Variants in AMOTL1 observed in about 807,000 individuals in gnomAD.
AMOTL1 encodes the protein angiomotin-like protein 1.
Under a neutral mutation model 102.9 loss-of-function variants are expected in AMOTL1, and 45 were observed. That is an observed-to-expected ratio of 0.44 (90% CI 0.34 to 0.56). The LOEUF (loss-of-function observed/expected upper bound fraction) is 0.56. Among genes scored for constraint, AMOTL1 ranks in the 20% least tolerant of loss-of-function variants. The pLI, the probability that AMOTL1 is intolerant of heterozygous loss-of-function variation, is 0.01. For synonymous variants in AMOTL1, 481 were observed against 484.7 expected, an observed-to-expected ratio of 0.99 and a Z score of 0.10; for missense variants, 1,114 against 1,225.6, an observed-to-expected ratio of 0.91 and a Z score of 1.36.
At chr11:94,797,742 T>C (rs1951394782) in intron 2 of AMOTL1, among the ~76,000 whole-genome samples, 1 of 152,226 alleles carries the variant, frequency 6.6e-6, no homozygotes, top group African/African-American at 2.4e-5. Flanking sequence ...TGGAGAGAGC[T>C]AGCATGTCTT....
intron 12 of AMOTL1, among the ~76,000 whole-genome samples, chr11:94,870,247 C>T (rs1056985351): frequency 1.3e-5 from 2 of 152,194 alleles, no homozygotes; most frequent in African/African-American, 4.8e-5. Flanking sequence ...TGAGGAGGTG[C>T]AGGCTCTGTG....
chr11:94,831,827 G>A (rs774653773), intron 6 of AMOTL1, among the ~76,000 whole-genome samples: 11 of 152,060 alleles, frequency 7.2e-5, no homozygotes, highest in Non-Finnish European at 1.6e-4. Context: ...GCATGTCCTG[G>A]CACTCACTAC....
chr11:94,737,257 C>G (rs1950451006), intron 2 of AMOTL1, among the ~76,000 whole-genome samples: 1 of 152,194 alleles, frequency 6.6e-6, no homozygotes, highest in African/African-American at 2.4e-5. Flanking sequence ...TCCAAGTAAC[C>G]AGCCTTCAAG....
At chr11:94,751,449 C>A (rs957503677) in intron 3 of AMOTL1, among the ~76,000 whole-genome samples, 2 of 152,036 alleles carry the variant, frequency 1.3e-5, no homozygotes, top group African/African-American at 4.8e-5. Flanking sequence ...GAAACGAAAC[C>A]TTTGCAGCAG....
chr11:94,796,179 A>C (rs16921010), intron 2 of AMOTL1, among the ~76,000 whole-genome samples: 4,733 of 152,240 alleles, frequency 0.031, 192 homozygotes, highest in African/African-American at 0.096. Flanking sequence ...GTAAGGGATA[A>C]ATTTCAGTTT....
chr11:94,755,951 G>T (rs938021180), intron 3 of AMOTL1, among the ~76,000 whole-genome samples: 1 of 152,158 alleles, frequency 6.6e-6, no homozygotes, highest in Non-Finnish European at 1.5e-5. Flanking sequence ...TGGATCACAC[G>T]TGGGCTTGGA....
chr11:94,771,420 C>G (rs1950949881), intron 1 of AMOTL1, among the ~76,000 whole-genome samples: 1 of 152,028 alleles, frequency 6.6e-6, no homozygotes, highest in Admixed American at 6.6e-5. Context: ...CCTCGAAAAG[C>G]AAGGGGTAGT....
intron 8 of AMOTL1, among the ~76,000 whole-genome samples, chr11:94,855,490 G>T (rs925299894): frequency 6.6e-6 from 1 of 152,144 alleles, no homozygotes; most frequent in Non-Finnish European, 1.5e-5. Context: ...TGGGGACAGG[G>T]GTTCTCCCTG....
At chr11:94,817,690 G>A (rs978752633) in intron 3 of AMOTL1, among the ~76,000 whole-genome samples, 10 of 152,118 alleles carry the variant, frequency 6.6e-5, no homozygotes, top group Admixed American at 5.2e-4. Context: ...CTTTTCAAAA[G>A]GTGTTTTTTA....
intron 3 of AMOTL1, among the ~76,000 whole-genome samples, chr11:94,758,324 G>A (rs993033169): frequency 7.9e-5 from 12 of 152,138 alleles, no homozygotes; most frequent in African/African-American, 2.9e-4. Context: ...TGGAACGGCT[G>A]GTTTAAATGG....
chr11:94,718,751 G>A (rs557677180), intron 1 of AMOTL1, among the ~76,000 whole-genome samples: 3 of 151,760 alleles, frequency 2.0e-5, no homozygotes, highest in African/African-American at 7.2e-5. Context: ...TCTGTTGATT[G>A]TCAGTTTATT....
At chr11:94,818,537 G>A (rs185259994) in intron 3 of AMOTL1, among the ~76,000 whole-genome samples, 1 of 152,288 alleles carries the variant, frequency 6.6e-6, no homozygotes, top group East Asian at 1.9e-4. Flanking sequence ...GCCAAGTATA[G>A]TAAGACCAAC....
intron 1 of AMOTL1, among the ~76,000 whole-genome samples, chr11:94,772,066 G>A (rs1042455319): frequency 9.9e-5 from 15 of 152,088 alleles, no homozygotes; most frequent in African/African-American, 3.6e-4. Flanking sequence ...TAGCTTCATA[G>A]GAAGTTGCAA....
At chr11:94,845,349 G>T (rs1380237210) in intron 6 of AMOTL1, among the ~76,000 whole-genome samples, 3 of 152,152 alleles carry the variant, frequency 2.0e-5, no homozygotes, top group Admixed American at 2.0e-4. Flanking sequence ...CTAACGTACG[G>T]GTGGAGACAC....
chr11:94,732,512 G>A (rs890895990), intron 2 of AMOTL1, among the ~76,000 whole-genome samples: 1 of 152,100 alleles, frequency 6.6e-6, no homozygotes, highest in Non-Finnish European at 1.5e-5. Flanking sequence ...AAGGTCTGGA[G>A]CACATTTTCC....
intron 6 of AMOTL1, among the ~76,000 whole-genome samples, chr11:94,845,463 C>T (rs140067054): frequency 2.0e-4 from 31 of 152,272 alleles, no homozygotes; most frequent in African/African-American, 7.2e-4. Flanking sequence ...TTGTAAAGCT[C>T]TTGGAACAGT....
chr11:94,742,888 T>C (rs1186880495), intron 3 of AMOTL1, among the ~76,000 whole-genome samples: 6 of 152,174 alleles, frequency 3.9e-5, no homozygotes, highest in African/African-American at 7.2e-5. Context: ...AGGGAGCTCT[T>C]GCGGTCTCTT....
intron 3 of AMOTL1, among the ~76,000 whole-genome samples, chr11:94,745,336 T>C (rs1348689275): frequency 1.3e-5 from 2 of 149,616 alleles, no homozygotes; most frequent in African/African-American, 2.4e-5. Flanking sequence ...TTTAATAATA[T>C]GGTTGGTTCT....
rs373192129 is a variant in AMOTL1 at position 94,814,226 on chromosome 11, G to A, written c.1122-7304G>A. On this transcript the variant is annotated intron_variant, in intron 3 of 12. Transcript: ENST00000433060. ...TAGTGCTTTCTTGATGCCAGCATAC[G>A]TCATCAGTGATGGTGACTAGTTACC... 1.5e-3 allele frequency among the ~76,000 whole-genome samples: 229 copies of A among 152,288 alleles called. 1 individual carries two copies. Among genetic ancestry groups the A allele is most frequent in the Non-Finnish European group, 2.7e-3 (183 of 68,022 alleles).
Sources: gnomAD v4.1 joint callset for allele counts (sites outside exome capture counted in the v4.1 genomes callset) on GRCh38, gnomAD v4.1.1 for gene constraint, MANE v1.5 for transcripts, NCBI Gene and HGNC (gene_info 2026-07-23, HGNC 2026-07-21) for gene names.